Variants in TMC1 observed in about 807,000 individuals in gnomAD.
TMC1 encodes transmembrane channel-like protein 1.
Under a neutral mutation model 105.8 loss-of-function variants are expected in TMC1, and 84 were observed. The observed-to-expected ratio is 0.79, with a 90% CI of 0.67 to 0.95. The LOEUF is 0.95. Ranked by LOEUF, TMC1 falls within the 40% of genes least tolerant of loss-of-function variation. The pLI is 0.00. For missense variants in TMC1, 817 were observed against 914.1 expected, an observed-to-expected ratio of 0.89 and a Z score of 1.37; for synonymous variants, 315 against 311.5, an observed-to-expected ratio of 1.01 and a Z score of -0.12.
At chr9:72,726,329 T>G (rs1483659269) in intron 8 of TMC1, among the ~76,000 whole-genome samples, 2 of 152,228 alleles carry the variant, frequency 1.3e-5, no homozygotes, top group Non-Finnish European at 2.9e-5. Flanking sequence ...GGCACTCATA[T>G]CTACATAATG....
At chr9:72,585,756 G>C (rs7866713) in intron 2 of TMC1, among the ~76,000 whole-genome samples, 68,396 of 151,996 alleles carry the variant, frequency 0.45, 17,450 homozygotes, top group African/African-American at 0.7. Context: ...GGACCTGGTG[G>C]TGAGTTGACG....
chr9:72,530,630 G>T (rs544229110), intron 1 of TMC1, among the ~76,000 whole-genome samples: 1 of 150,122 alleles, frequency 6.7e-6, no homozygotes, highest in South Asian at 2.1e-4. Flanking sequence ...TGTGCTTCTT[G>T]TTTTCTCTTT....
intron 1 of TMC1, among the ~76,000 whole-genome samples, chr9:72,564,199 A>G (rs537064987): frequency 1.3e-5 from 2 of 152,098 alleles, no homozygotes; most frequent in African/African-American, 4.8e-5. Context: ...CTTCCCCTAT[A>G]TTTTTCTAAT....
At position 72,645,995 on chromosome 9, in the gene TMC1, A is replaced by G. The variant is rs1355280225; in HGVS notation, c.-52-2602A>G. Among the ~76,000 whole-genome samples the G allele has an allele frequency of 2.0e-5, 3 of 152,176 alleles. No individual in the cohort carries two copies. The East Asian group carries it at 5.8e-4, about 29-fold the overall frequency. ...TTTATATTTTTCATTTTAATCTTTT[A>G]ATTATATTTTTCCACAAAATTTTTG... On this transcript the variant is annotated intron_variant, in intron 4 of 23. Transcript: ENST00000297784.
intron 5 of TMC1, among the ~76,000 whole-genome samples, chr9:72,667,694 T>C (rs190064415): frequency 2.9e-4 from 44 of 152,368 alleles, no homozygotes; most frequent in Non-Finnish European, 7.3e-5. Flanking sequence ...ATTTTTAAAT[T>C]GCTTAGCAGT....
intron 17 of TMC1, among the ~76,000 whole-genome samples, chr9:72,801,464 G>A (rs1191728781): frequency 6.6e-6 from 1 of 152,196 alleles, no homozygotes; most frequent in African/African-American, 2.4e-5. Flanking sequence ...AGCCTACATA[G>A]TCTGCTTACA....
intron 8 of TMC1, among the ~76,000 whole-genome samples, chr9:72,702,847 G>A (rs1826666490): frequency 6.6e-6 from 1 of 152,152 alleles, no homozygotes; most frequent in South Asian, 2.1e-4. Context: ...TTGGTCTGGA[G>A]TCCAAGAGTT....
chr9:72,752,747 T>C (rs1055084433), intron 11 of TMC1, among the ~76,000 whole-genome samples: 1 of 152,178 alleles, frequency 6.6e-6, no homozygotes, highest in African/African-American at 2.4e-5. Flanking sequence ...GCAAATTTGG[T>C]CCATACAGCA....
intron 17 of TMC1, among the ~76,000 whole-genome samples, chr9:72,804,147 C>A (rs1828527598): frequency 6.6e-6 from 1 of 152,192 alleles, no homozygotes; most frequent in Non-Finnish European, 1.5e-5. Flanking sequence ...AAACCAAACA[C>A]CATATGTTCT....
At chr9:72,563,113 A>C (rs1824087072) in intron 1 of TMC1, among the ~76,000 whole-genome samples, 1 of 152,220 alleles carries the variant, frequency 6.6e-6, no homozygotes. Flanking sequence ...GTGGAGGTAC[A>C]AAAAGAATAA....
At chr9:72,681,928 G>A (rs1407395512) in intron 5 of TMC1, among the ~76,000 whole-genome samples, 1 of 152,074 alleles carries the variant, frequency 6.6e-6, no homozygotes, top group Admixed American at 6.6e-5. Flanking sequence ...GACATCAGCA[G>A]CTATTTATTT....
At chr9:72,641,360 TG>T (rs2132143950) in intron 4 of TMC1, among the ~76,000 whole-genome samples, 1 of 152,352 alleles carries the variant, frequency 6.6e-6, no homozygotes, top group East Asian at 1.9e-4. Flanking sequence ...CCCAAAATGC[TG>T]GGATAGCAGG....
intron 19 of TMC1, among the ~76,000 whole-genome samples, chr9:72,819,236 C>A (rs1265604719): frequency 2.0e-5 from 3 of 152,176 alleles, no homozygotes; most frequent in Admixed American, 1.3e-4. Context: ...CCACACAGGA[C>A]TTTTAAAGTT....
At chr9:72,778,849 G>A (rs535741808) in intron 13 of TMC1, among the ~76,000 whole-genome samples, 2 of 152,236 alleles carry the variant, frequency 1.3e-5, no homozygotes, top group South Asian at 2.1e-4. Context: ...CTTCTTTGTT[G>A]GCAGACCCCA....
At chr9:72,577,782 C>A (rs941300271) in intron 1 of TMC1, 120 bp from the exon 2 acceptor site, 19 of 152,052 alleles carry the variant, frequency 1.2e-4, no homozygotes, top group Admixed American at 1.2e-3. Flanking sequence ...GAAAAACATG[C>A]CAACTGAGTT....
chr9:72,621,042 C>T (rs57911348), intron 3 of TMC1, among the ~76,000 whole-genome samples: 14,191 of 152,094 alleles, frequency 0.093, 731 homozygotes, highest in Non-Finnish European at 0.13. Flanking sequence ...AGAAGGCTCC[C>T]CTTATGAGGT....
At chr9:72,751,258 T>C (rs143244824) in intron 10 of TMC1, among the ~76,000 whole-genome samples, 1 of 152,356 alleles carries the variant, frequency 6.6e-6, no homozygotes, top group Non-Finnish European at 1.5e-5. Context: ...AGATAATTTC[T>C]GGCATAAGAT....
intron 1 of TMC1, among the ~76,000 whole-genome samples, chr9:72,524,876 G>A (rs1261843994): frequency 1.3e-5 from 2 of 152,148 alleles, no homozygotes; most frequent in Admixed American, 6.6e-5. Context: ...CCAGATGTTT[G>A]GAATCCTATG....
At chr9:72,767,227 A>C (rs1827853253) in intron 12 of TMC1, among the ~76,000 whole-genome samples, 1 of 152,222 alleles carries the variant, frequency 6.6e-6, no homozygotes, top group Non-Finnish European at 1.5e-5. Flanking sequence ...ATGCTTAAAA[A>C]ATTATATCTT....
Sources: gnomAD v4.1 joint callset for allele counts (sites outside exome capture counted in the v4.1 genomes callset) on GRCh38, gnomAD v4.1.1 for gene constraint, MANE v1.5 for transcripts, NCBI Gene and HGNC (gene_info 2026-07-23, HGNC 2026-07-21) for gene names.